SMAD9: variants seen among roughly 807,000 people sequenced by gnomAD.
SMAD9 encodes MAD homolog 9.
A neutral mutation model predicts 46.1 loss-of-function variants in SMAD9; 36 were observed. That is an observed-to-expected ratio of 0.78 (90% CI 0.60 to 1.03). The LOEUF (loss-of-function observed/expected upper bound fraction) is 1.03. Among genes scored for constraint, SMAD9 ranks in the 50% least tolerant of loss-of-function variants. SMAD9 has a pLI of 0.00. For missense variants in SMAD9, 572 were observed against 599.8 expected, an observed-to-expected ratio of 0.95 and a Z score of 0.48; for synonymous variants, 245 against 237.1, an observed-to-expected ratio of 1.03 and a Z score of -0.31.
rs73535790 is a variant in SMAD9 at position 36,915,135 on chromosome 13, G to A, written c.-187+4981C>T. 3.6e-3 allele frequency among the ~76,000 whole-genome samples: 544 copies of A among 152,278 alleles called. 2 individuals carry two copies. Among genetic ancestry groups the A allele is most frequent in the Middle Eastern group, 0.017 (5 of 294 alleles). ...CCTGGGGTCAGTGAGTTCAGGATGT[G>A]GCTACCTCACAGTGTTCACACTTCT... On this transcript the variant is annotated intron_variant, in intron 1 of 6. Transcript: ENST00000379826.
intron 1 of SMAD9, among the ~76,000 whole-genome samples, chr13:36,881,886 G>A (rs2058405783): frequency 6.6e-6 from 1 of 152,142 alleles, no homozygotes; most frequent in African/African-American, 2.4e-5. Context: ...ATTCTGCTTA[G>A]TTTTACATGG....
At chr13:36,906,453 A>C (rs2058620824) in intron 1 of SMAD9, among the ~76,000 whole-genome samples, 1 of 152,178 alleles carries the variant, frequency 6.6e-6, no homozygotes, top group Non-Finnish European at 1.5e-5. Flanking sequence ...ACTTCTGATA[A>C]GGGATACACA....
chr13:36,883,364 G>A (rs146992792), intron 1 of SMAD9, among the ~76,000 whole-genome samples: 3 of 152,324 alleles, frequency 2.0e-5, no homozygotes, highest in Admixed American at 6.5e-5. Flanking sequence ...CAAACAATAA[G>A]TGAGCCCAAC....
In SMAD9 at chr13:36,853,695, G is replaced by GC; in HGVS notation, c.1004-21dup. On this transcript the variant is annotated intron_variant, in intron 5 of 6. Coordinates refer to ENST00000379826, the MANE Select transcript of SMAD9 (RefSeq NM_001127217.3). The stretch of plus-strand genomic sequence containing the variant: ...GCACACCTGCAGACACAAAAACACA[G>GC]CCTTCCTTCACATGCCCTTTCATAG... 1 of 1,613,336 alleles carries GC rather than the reference G, an allele frequency of 6.2e-7. No homozygotes were observed. Among genetic ancestry groups the GC allele is most frequent in the Non-Finnish European group, 8.5e-7 (1 of 1,179,918 alleles).
At chr13:36,858,755 A>G (rs1263179654) in intron 5 of SMAD9, among the ~76,000 whole-genome samples, 1 of 152,252 alleles carries the variant, frequency 6.6e-6, no homozygotes, top group African/African-American at 2.4e-5. Context: ...ACAGCCCAGA[A>G]ATAATCAAAG....
In SMAD9 at chr13:36,858,200, G is replaced by A. The variant is rs1256077792; in HGVS notation, c.1004-4525C>T. Among the ~76,000 whole-genome samples, 3 of 151,896 alleles carry A rather than the reference G, an allele frequency of 2.0e-5. No individual in the cohort carries two copies. The East Asian group carries it at 5.8e-4, about 29-fold the overall frequency. ...TTTCCCACAATAAAAAAGTTTTAAT[G>A]GGTGGTAAAAAAAAATACTAATAAT... is the stretch of plus-strand genomic sequence containing the variant. On this transcript the variant is annotated intron_variant, in intron 5 of 6. Transcript: ENST00000379826.
At chr13:36,873,674 C>G (rs191141858) in intron 2 of SMAD9, among the ~76,000 whole-genome samples, 123 of 152,252 alleles carry the variant, frequency 8.1e-4, no homozygotes, top group Non-Finnish European at 1.1e-3. Context: ...ACCAGCCTAG[C>G]CAACGTGGTG....
intron 1 of SMAD9, among the ~76,000 whole-genome samples, chr13:36,893,439 T>C (rs201112414): frequency 6.8e-6 from 1 of 146,752 alleles, no homozygotes; most frequent in Non-Finnish European, 1.5e-5. Context: ...AATATAAATA[T>C]AAATATATAT....
intron 5 of SMAD9, among the ~76,000 whole-genome samples, chr13:36,859,874 C>T (rs949653327): frequency 2.0e-5 from 3 of 151,600 alleles, no homozygotes; most frequent in Non-Finnish European, 4.4e-5. Flanking sequence ...GCAGGAGAAT[C>T]GCTTGAACCC....
intron 1 of SMAD9, among the ~76,000 whole-genome samples, chr13:36,914,784 G>A (rs752702811): frequency 6.6e-6 from 1 of 152,134 alleles, no homozygotes; most frequent in Non-Finnish European, 1.5e-5. Context: ...TTAGATACAA[G>A]AATTCAGAAA....
chr13:36,902,716 A>C (rs916674712), intron 1 of SMAD9, among the ~76,000 whole-genome samples: 37 of 152,108 alleles, frequency 2.4e-4, no homozygotes, highest in African/African-American at 8.9e-4. Flanking sequence ...TCGGCCTCCC[A>C]AAGTGTTGGG....
In SMAD9 at chr13:36,901,676, C is replaced by T. The variant is rs139612471; in HGVS notation, c.-187+18440G>A. On this transcript the variant is annotated intron_variant, in intron 1 of 6. Coordinates refer to ENST00000379826, the MANE Select transcript of SMAD9 (RefSeq NM_001127217.3). ...CTCCTAGCCTCAAATGATCTCCCTG[C>T]CTCGGCCTCCCAAAGTGCTGGGATT... is the stretch of plus-strand genomic sequence containing the variant. 8.0e-3 allele frequency among the ~76,000 whole-genome samples: 1,221 copies of T among 152,290 alleles called. 23 individuals carry two copies. The highest frequency in any genetic ancestry group is 0.028 in the African/African-American group (1,174 of 41,566).
chr13:36,910,655 C>T (rs1169536185), intron 1 of SMAD9, among the ~76,000 whole-genome samples: 2 of 152,174 alleles, frequency 1.3e-5, no homozygotes, highest in Non-Finnish European at 2.9e-5. Flanking sequence ...CCAGAAGGCC[C>T]CTGTGCAGCT....
intron 1 of SMAD9, among the ~76,000 whole-genome samples, chr13:36,918,152 A>G (rs533655104): frequency 2.6e-5 from 4 of 152,266 alleles, no homozygotes; most frequent in Non-Finnish European, 4.4e-5. Flanking sequence ...CTAGGAATAT[A>G]TAAGTTAAAA....
At chr13:36,891,560 TAG>T (rs2058489208) in intron 1 of SMAD9, among the ~76,000 whole-genome samples, 2 of 152,228 alleles carry the variant, frequency 1.3e-5, no homozygotes, top group African/African-American at 2.4e-5. Flanking sequence ...GATCTCATTG[TAG>T]AGAGTCTAAA....
In SMAD9 at chr13:36,872,713, G is replaced by A. The variant is rs754229616; in HGVS notation, c.615C>T (p.Ser205=). The change falls in exon 3 of 7, where the codon AGC becomes AGT. Residue 205 remains serine, a synonymous_variant. Transcript: ENST00000379826. ...HAFSQSPCTA[S]YPHSPGSPSE... is the part of the protein sequence containing the mutation. Reference sequence around the variant, plus strand: ...AAGGACTTCCTGGGGAGTGAGGGTAGCTGGCCGTGCACGGGGACTGGGAGA... The same window carrying A: ...AAGGACTTCCTGGGGAGTGAGGGTAACTGGCCGTGCACGGGGACTGGGAGA... 1 of 1,614,054 alleles carries A rather than the reference G, an allele frequency of 6.2e-7. No individual in the cohort carries two copies. Among genetic ancestry groups the A allele is most frequent in the Non-Finnish European group, 8.5e-7 (1 of 1,180,016 alleles).
rs1196096779 is a variant in SMAD9, at chr13:36,845,772, A to C, written c.*2904T>G. On this transcript the variant is annotated 3_prime_UTR_variant, in exon 7 of 7. Coordinates refer to ENST00000379826, the MANE Select transcript of SMAD9 (RefSeq NM_001127217.3). ...AAATATGATTGTGTTACAATGACTA[A>C]AGGGTTAACTTCTCATTAATTCTAA... 2.0e-5 allele frequency: 3 copies of C among 152,188 alleles called. No individual in the cohort carries two copies. Among genetic ancestry groups the C allele is most frequent in the Non-Finnish European group, 4.4e-5 (3 of 68,048 alleles). 9.4% of individuals were successfully genotyped at this position (152,188 alleles called of 1,614,324 possible).
At chr13:36,885,739 T>C (rs142977852) in intron 1 of SMAD9, among the ~76,000 whole-genome samples, 1 of 152,016 alleles carries the variant, frequency 6.6e-6, no homozygotes, top group Non-Finnish European at 1.5e-5. Context: ...TCTGTGGACA[T>C]TTGAATTGTA....
intron 1 of SMAD9, 118 bp downstream of exon 1, chr13:36,919,998 G>C (rs926494418): frequency 6.7e-6 from 1 of 150,346 alleles, no homozygotes; most frequent in Non-Finnish European, 1.5e-5. Flanking sequence ...CGGCCGAGGA[G>C]GGCACGTCTT....
Sources: allele counts gnomAD v4.1 joint callset (sites outside exome capture counted in the v4.1 genomes callset), GRCh38; gene constraint gnomAD v4.1.1; transcripts MANE v1.5; gene names NCBI Gene and HGNC (gene_info 2026-07-23, HGNC 2026-07-21).